The following CYP46A1 variants were observed in gnomAD, a reference collection of about 807,000 sequenced individuals.
CYP46A1 encodes cholesterol 24-hydroxylase.
CYP46A1 carries 20 observed loss-of-function variants against 63.3 expected under a neutral mutation model. That is an observed-to-expected ratio of 0.32 (90% CI 0.22 to 0.46). The LOEUF (loss-of-function observed/expected upper bound fraction) is 0.46, where lower values mean the gene tolerates loss of function less well. CYP46A1 is among the 20% of genes least tolerant of loss of function. CYP46A1 has a pLI of 1.00. For synonymous variants in CYP46A1, 268 were observed against 273.6 expected, an observed-to-expected ratio of 0.98 and a Z score of 0.20; for missense variants, 445 against 670.8, an observed-to-expected ratio of 0.66 and a Z score of 3.72.
At position 99,726,632 on chromosome 14, in the gene CYP46A1, C is replaced by A; in HGVS notation, c.1408C>A (p.Leu470Met). 6.4e-7 allele frequency: 1 copy of A among 1,564,470 alleles called. No homozygotes were observed. The highest frequency in any genetic ancestry group is 8.6e-7 in the Non-Finnish European group (1 of 1,156,966). ...GCTGGTGCCCGGGCAGCGCTTCGGG[C>A]TGCAGGAGCAGGCCACACTCAAGCC... ...FRLVPGQRFG[L>M]QEQATLKPLD... is the part of the protein sequence containing the mutation. Residue 470 changes from leucine to methionine, a missense_variant, in exon 15 of 15, where the codon CTG (leucine) becomes ATG (methionine). By Grantham distance (15) the Leu-to-Met change is conservative. Coordinates refer to ENST00000261835, the MANE Select transcript of CYP46A1 (RefSeq NM_006668.2).
Position 99,716,215 on chromosome 14 carries a change from G to A in CYP46A1, c.907+16G>A, listed in dbSNP as rs775438353. Reference sequence around the variant, plus strand: ...TTCATTGCTGGTTTGTAGCTTTGGCGGTGGCCAAGGGCCCGGAGCTCTGCA... The same window carrying A: ...TTCATTGCTGGTTTGTAGCTTTGGCAGTGGCCAAGGGCCCGGAGCTCTGCA... On this transcript the variant is annotated intron_variant, in intron 9 of 14. Transcript: ENST00000261835. 3.7e-5 allele frequency: 60 copies of A among 1,613,666 alleles called. No individual in the cohort carries two copies. In the South Asian group the frequency reaches 5.9e-4, roughly 16 times the overall value.
chr14:99,725,573 C>T lies in CYP46A1; in HGVS notation c.1265+94C>T. 2.3e-6 allele frequency: 2 copies of T among 865,874 alleles called. No homozygotes were observed. Among genetic ancestry groups the T allele is most frequent in the Middle Eastern group, 2.3e-4 (1 of 4,390 alleles). 53.6% of individuals were successfully genotyped at this position (865,874 alleles called of 1,614,324 possible). A position where few individuals can be genotyped will look rare whatever the true frequency, so the allele number is the denominator to read the frequency against. ...CTGAGCCAGAGGCACCCACTCAGCCCACATAGCCTTCCAGATCCCTGTGAG... is the reference window on the plus strand; with the variant it reads ...CTGAGCCAGAGGCACCCACTCAGCCTACATAGCCTTCCAGATCCCTGTGAG... On this transcript the variant is annotated intron_variant, in intron 13 of 14. Coordinates refer to ENST00000261835, the MANE Select transcript of CYP46A1 (RefSeq NM_006668.2). This position sits in a 1 kb window ranked among gnomAD's most constrained non-coding sequence, Gnocchi z 4.2.
At chr14:99,687,820 A>G (rs2056507718) in intron 1 of CYP46A1, among the ~76,000 whole-genome samples, 1 of 152,058 alleles carries the variant, frequency 6.6e-6, no homozygotes, top group Non-Finnish European at 1.5e-5. Context: ...TGTCCAGTCT[A>G]TCACCAGGGA....
intron 1 of CYP46A1, 61 bp from the exon 2 acceptor site, chr14:99,691,020 G>T: frequency 6.6e-7 from 1 of 1,516,058 alleles, no homozygotes; most frequent in Non-Finnish European, 9.2e-7. Flanking sequence ...AGATCTTGTG[G>T]GGAAGGGAGC....
chr14:99,703,884 G>A, intron 5 of CYP46A1: 2 of 984,760 alleles, frequency 2.0e-6, no homozygotes, highest in Non-Finnish European at 2.4e-6. Context: ...TGTCAGAAGT[G>A]AAAATGGGAA....
chr14:99,686,040 C>G (rs1444572143), intron 1 of CYP46A1, among the ~76,000 whole-genome samples: 1 of 152,168 alleles, frequency 6.6e-6, no homozygotes, highest in Non-Finnish European at 1.5e-5. Flanking sequence ...CTAAGTGTCT[C>G]TTTTCCATGG....
At chr14:99,714,829 G>C (rs767105479) in intron 7 of CYP46A1, among the ~76,000 whole-genome samples, 1 of 151,294 alleles carries the variant, frequency 6.6e-6, no homozygotes, top group Non-Finnish European at 1.5e-5. Context: ...CCATAAGAAA[G>C]AATGAAATCC....
At position 99,684,556 on chromosome 14, in the gene CYP46A1, G is replaced by A; in HGVS notation, c.119+20G>A. ...GCCCAGGTGAGCGGGGCTGGGGGCG[G>A]GGCCTGGCTGGGGTGCTGGGACTGG... is the stretch of plus-strand genomic sequence containing the variant. On this transcript the variant is annotated intron_variant, in intron 1 of 14. Transcript: ENST00000261835. The A allele has an allele frequency of 7.0e-7, 1 of 1,438,660 alleles. No individual in the cohort carries two copies. Among genetic ancestry groups the A allele is most frequent in the Non-Finnish European group, 9.1e-7 (1 of 1,097,438 alleles). 89.1% of individuals were successfully genotyped at this position (1,438,660 alleles called of 1,614,324 possible).
intron 7 of CYP46A1, among the ~76,000 whole-genome samples, chr14:99,715,036 G>A (rs1319934744): frequency 6.6e-6 from 1 of 152,132 alleles, no homozygotes; most frequent in Non-Finnish European, 1.5e-5. Context: ...GTTGGTTAAT[G>A]GGTACAAACA....
chr14:99,705,128 A>G (rs2056664685), intron 5 of CYP46A1, among the ~76,000 whole-genome samples: 1 of 152,238 alleles, frequency 6.6e-6, no homozygotes, highest in African/African-American at 2.4e-5. Context: ...GGAGAGCCCC[A>G]GGCTCACCTG....
chr14:99,700,153 G>A (rs563389722), intron 5 of CYP46A1, 52 bp downstream of exon 5: 6 of 1,442,254 alleles, frequency 4.2e-6, no homozygotes, highest in South Asian at 3.8e-5. Context: ...GGCAGTAGGG[G>A]CTGCCGAAGT....
intron 3 of CYP46A1, among the ~76,000 whole-genome samples, chr14:99,698,393 G>C (rs944962790): frequency 1.3e-5 from 2 of 152,096 alleles, no homozygotes; most frequent in Non-Finnish European, 2.9e-5. Context: ...GTGTAACCTT[G>C]GGTCAGTTTT....
At chr14:99,721,639 G>A (rs1298278229) in intron 11 of CYP46A1, among the ~76,000 whole-genome samples, 4 of 152,112 alleles carry the variant, frequency 2.6e-5, no homozygotes, top group Non-Finnish European at 2.9e-5. Context: ...GCTCAGCAGC[G>A]CCTCTCCATG....
intron 1 of CYP46A1, among the ~76,000 whole-genome samples, chr14:99,685,944 T>C (rs1343182825): frequency 6.6e-6 from 1 of 152,174 alleles, no homozygotes; most frequent in African/African-American, 2.4e-5. Context: ...CCCAAAAATA[T>C]TATGTTCATT....
chr14:99,690,110 C>G (rs2056531194), intron 1 of CYP46A1, among the ~76,000 whole-genome samples: 1 of 152,226 alleles, frequency 6.6e-6, no homozygotes, highest in South Asian at 2.1e-4. Context: ...TCTTCCCCCG[C>G]TTCTTGCAGG....
intron 3 of CYP46A1, chr14:99,695,380 CA>C: frequency 2.6e-6 from 1 of 391,514 alleles, no homozygotes; most frequent in South Asian, 2.0e-5. Flanking sequence ...GGTTGCAGGG[CA>C]AGGAATGTTG....
intron 5 of CYP46A1, among the ~76,000 whole-genome samples, chr14:99,700,540 G>A (rs2056622935): frequency 6.6e-6 from 1 of 152,200 alleles, no homozygotes; most frequent in African/African-American, 2.4e-5. Context: ...TTATAATGGA[G>A]CTGAAAATTG....
intron 7 of CYP46A1, chr14:99,708,028 C>T (rs1441482324): frequency 2.1e-5 from 6 of 279,478 alleles, no homozygotes; most frequent in Middle Eastern, 1.3e-3. Flanking sequence ...ATGGCTGCTG[C>T]GAAAGGTGCA....
At chr14:99,713,987 G>C (rs957421584) in intron 7 of CYP46A1, among the ~76,000 whole-genome samples, 6 of 151,992 alleles carry the variant, frequency 3.9e-5, no homozygotes, top group Non-Finnish European at 8.8e-5. Flanking sequence ...TTGTTAAATG[G>C]GAGAAAGAAT....
Sources: allele counts gnomAD v4.1 joint callset (sites outside exome capture counted in the v4.1 genomes callset), GRCh38; gene constraint gnomAD v4.1.1; non-coding constraint Gnocchi (gnomAD v3.1); transcripts MANE v1.5; gene names NCBI Gene and HGNC (gene_info 2026-07-23, HGNC 2026-07-21).